The following CENPW variants were observed in gnomAD, a reference collection of about 807,000 sequenced individuals.
CENPW encodes cancer-up-regulated gene 2 protein.
Under a neutral mutation model 11.1 loss-of-function variants are expected in CENPW, and 3 were observed. That is an observed-to-expected ratio of 0.27 (90% CI 0.12 to 0.70). CENPW has a LOEUF of 0.70. CENPW is among the 30% of genes least tolerant of loss of function. The pLI is 0.77. For missense variants in CENPW, 100 were observed against 105.6 expected, an observed-to-expected ratio of 0.95 and a Z score of 0.23; for synonymous variants, 38 against 42.0, an observed-to-expected ratio of 0.91 and a Z score of 0.37.
the CENPW span, among the ~76,000 whole-genome samples, chr6:126,356,777 G>T: frequency 6.6e-6 from 1 of 151,878 alleles, no homozygotes; most frequent in African/African-American, 2.4e-5. Context: ...TTTTTAATGG[G>T]GTTATTTGTT....
At chr6:126,374,071 G>T in the CENPW span, among the ~76,000 whole-genome samples, 1 of 152,122 alleles carries the variant, frequency 6.6e-6, no homozygotes, top group Non-Finnish European at 1.5e-5. Context: ...TAAAGGCCAG[G>T]TATAGAGATC....
chr6:126,437,066 A>G, the CENPW span, among the ~76,000 whole-genome samples: 2 of 151,592 alleles, frequency 1.3e-5, no homozygotes, highest in Non-Finnish European at 2.9e-5. Flanking sequence ...GGTAAACTAC[A>G]TTCGGTCAAC....
At chr6:126,390,926 T>G in the CENPW span, among the ~76,000 whole-genome samples, 2 of 151,876 alleles carry the variant, frequency 1.3e-5, no homozygotes, top group Non-Finnish European at 2.9e-5. Context: ...TAGTGCTGCA[T>G]TTAACATAGG....
intron 1 of CENPW, among the ~76,000 whole-genome samples, chr6:126,345,809 G>C (rs1489521580): frequency 6.6e-6 from 1 of 151,960 alleles, no homozygotes; most frequent in Non-Finnish European, 1.5e-5. Context: ...TAGAATAATA[G>C]CCTAAAATGT....
the CENPW span, among the ~76,000 whole-genome samples, chr6:126,410,647 G>A: frequency 1.3e-5 from 2 of 151,202 alleles, no homozygotes; most frequent in African/African-American, 2.4e-5. Flanking sequence ...ATATTTGTTT[G>A]CTTAAGGATG....
At chr6:126,340,853 C>A (rs932468580) in intron 1 of CENPW, among the ~76,000 whole-genome samples, 1 of 152,166 alleles carries the variant, frequency 6.6e-6, no homozygotes, top group African/African-American at 2.4e-5. Context: ...CTTCTTGCCT[C>A]CCTCCCTGTC....
the CENPW span, among the ~76,000 whole-genome samples, chr6:126,375,593 T>TC: frequency 6.6e-5 from 10 of 152,222 alleles, no homozygotes; most frequent in South Asian, 1.7e-3. Context: ...GCCTTTTTTT[T>TC]CCCTAATTCA....
the CENPW span, among the ~76,000 whole-genome samples, chr6:126,472,027 T>G: frequency 6.6e-6 from 1 of 152,174 alleles, no homozygotes; most frequent in Non-Finnish European, 1.5e-5. Context: ...GTAAAATTTT[T>G]TCAAATGTGC....
At chr6:126,370,414 T>C in the CENPW span, among the ~76,000 whole-genome samples, 2 of 152,226 alleles carry the variant, frequency 1.3e-5, no homozygotes, top group Non-Finnish European at 2.9e-5. Flanking sequence ...TGTGTTTCCA[T>C]GTGTGTCATT....
chr6:126,386,153 G>A, the CENPW span, among the ~76,000 whole-genome samples: 1 of 152,086 alleles, frequency 6.6e-6, no homozygotes, highest in Middle Eastern at 3.4e-3. Flanking sequence ...ATATGCAGAC[G>A]ATCTAATTAA....
At chr6:126,479,963 T>G in the CENPW span, among the ~76,000 whole-genome samples, 18 of 151,966 alleles carry the variant, frequency 1.2e-4, no homozygotes, top group Admixed American at 3.9e-4. Context: ...TGGCTTTCCA[T>G]GTCTTAAAAA....
chr6:126,473,424 C>T, the CENPW span, among the ~76,000 whole-genome samples: 1 of 151,922 alleles, frequency 6.6e-6, no homozygotes, highest in East Asian at 1.9e-4. Flanking sequence ...CCTCTTTAAC[C>T]CATGCTATTT....
the CENPW span, among the ~76,000 whole-genome samples, chr6:126,367,323 A>G: frequency 1.3e-5 from 2 of 152,196 alleles, no homozygotes; most frequent in South Asian, 4.1e-4. Context: ...TAGAAAAAGT[A>G]AAATAAATTT....
the CENPW span, among the ~76,000 whole-genome samples, chr6:126,467,118 T>G: frequency 4.9e-3 from 749 of 152,228 alleles, 3 homozygotes; most frequent in Non-Finnish European, 9.1e-3. Flanking sequence ...CCAATGACAC[T>G]TTCCACAGGC....
chr6:126,414,799 T>TA, the CENPW span, among the ~76,000 whole-genome samples: 6 of 146,666 alleles, frequency 4.1e-5, no homozygotes, highest in South Asian at 2.1e-4. Context: ...AAAATAAAAC[T>TA]AAAAAAAAAG....
chr6:126,417,083 C>A, the CENPW span, among the ~76,000 whole-genome samples: 1 of 152,150 alleles, frequency 6.6e-6, no homozygotes, highest in Non-Finnish European at 1.5e-5. Context: ...GTGGAGCTAC[C>A]CAAGACCACG....
chr6:126,372,151 C>T, the CENPW span, among the ~76,000 whole-genome samples: 2 of 151,356 alleles, frequency 1.3e-5, no homozygotes, highest in Admixed American at 6.6e-5. Flanking sequence ...GTTCTTGTTT[C>T]TCTAGTTCCT....
chr6:126,425,689 C>T, the CENPW span, among the ~76,000 whole-genome samples: 1 of 151,670 alleles, frequency 6.6e-6, no homozygotes, highest in Non-Finnish European at 1.5e-5. Flanking sequence ...ATAAGTAGTG[C>T]TTCTCTTTGT....
At chr6:126,421,335 C>T in the CENPW span, among the ~76,000 whole-genome samples, 1 of 152,106 alleles carries the variant, frequency 6.6e-6, no homozygotes, top group Non-Finnish European at 1.5e-5. Context: ...AACGTTTCTT[C>T]ATGTCTACCT....
Sources: allele counts gnomAD v4.1 joint callset (sites outside exome capture counted in the v4.1 genomes callset), GRCh38; gene constraint gnomAD v4.1.1; transcripts MANE v1.5; gene names NCBI Gene and HGNC (gene_info 2026-07-23, HGNC 2026-07-21).